PPM1E: variants seen among roughly 807,000 people sequenced by gnomAD.
PPM1E encodes protein phosphatase, Mg2+/Mn2+ dependent 1E.
PPM1E carries 20 observed loss-of-function variants against 65.9 expected under a neutral mutation model. That is an observed-to-expected ratio of 0.30 (90% CI 0.21 to 0.44). PPM1E has a LOEUF of 0.44. Among genes scored for constraint, PPM1E ranks in the 20% least tolerant of loss-of-function variants. The pLI, the probability that PPM1E is intolerant of heterozygous loss-of-function variation, is 1.00. For missense variants in PPM1E, 713 were observed against 953.1 expected (o/e 0.75, Z 3.32); for synonymous variants, 352 against 374.9 (o/e 0.94, Z 0.70).
At chr17:58,864,337 T>TTC (rs2050975338) in intron 1 of PPM1E, among the ~76,000 whole-genome samples, 1 of 152,168 alleles carries the variant, frequency 6.6e-6, no homozygotes, top group African/African-American at 2.4e-5. Flanking sequence ...GTTTCCTCAG[T>TTC]TAAGATACTG....
At chr17:58,872,032 T>C (rs1441429497) in intron 1 of PPM1E, among the ~76,000 whole-genome samples, 1 of 152,148 alleles carries the variant, frequency 6.6e-6, no homozygotes, top group African/African-American at 2.4e-5. Flanking sequence ...GCGTGGTGGC[T>C]CACGCCTGTA....
intron 1 of PPM1E, among the ~76,000 whole-genome samples, chr17:58,825,001 A>G (rs186897043): frequency 3.9e-5 from 6 of 152,104 alleles, no homozygotes; most frequent in East Asian, 1.9e-4. Context: ...GAAGGACACA[A>G]TGGACTTTGG....
intron 1 of PPM1E, among the ~76,000 whole-genome samples, chr17:58,766,898 A>G (rs2049885535): frequency 6.6e-6 from 1 of 152,176 alleles, no homozygotes; most frequent in Admixed American, 6.6e-5. Context: ...ATTATTCACA[A>G]TATACTTATA....
intron 4 of PPM1E, 44 bp from the exon 5 acceptor site, chr17:58,972,088 C>G: frequency 1.3e-6 from 2 of 1,571,332 alleles, no homozygotes; most frequent in African/African-American, 1.4e-5. Context: ...AATGTAGTAT[C>G]TATTTCTTTT....
chr17:58,811,922 G>T (rs532432127), intron 1 of PPM1E, among the ~76,000 whole-genome samples: 12 of 152,002 alleles, frequency 7.9e-5, no homozygotes, highest in Non-Finnish European at 1.8e-4. Flanking sequence ...ATCCACCTTG[G>T]CCTCCCAAAG....
At chr17:58,855,430 C>G (rs2050871788) in intron 1 of PPM1E, among the ~76,000 whole-genome samples, 2 of 152,266 alleles carry the variant, frequency 1.3e-5, no homozygotes, top group South Asian at 4.1e-4. Flanking sequence ...GAAACCTAAT[C>G]ATAGGACTGT....
intron 1 of PPM1E, among the ~76,000 whole-genome samples, chr17:58,909,353 C>T (rs964350371): frequency 6.6e-6 from 1 of 152,048 alleles, no homozygotes; most frequent in South Asian, 2.1e-4. Flanking sequence ...AACTCCTGGG[C>T]TCAAGCAATC....
chr17:58,931,474 G>T (rs968494899), intron 1 of PPM1E, among the ~76,000 whole-genome samples: 2 of 152,028 alleles, frequency 1.3e-5, no homozygotes, highest in Non-Finnish European at 2.9e-5. Flanking sequence ...AAGGAAGTCA[G>T]GTAGACTTGA....
intron 1 of PPM1E, among the ~76,000 whole-genome samples, chr17:58,855,772 G>A (rs2050876242): frequency 6.6e-6 from 1 of 152,178 alleles, no homozygotes; most frequent in Non-Finnish European, 1.5e-5. Flanking sequence ...TTCTCAGCTT[G>A]TGAAGCAAAT....
chr17:58,840,519 C>T (rs1215082358), intron 1 of PPM1E, among the ~76,000 whole-genome samples: 1 of 152,118 alleles, frequency 6.6e-6, no homozygotes. Context: ...TAATATTATT[C>T]TTCAGTAAGA....
Position 58,980,246 on chromosome 17 carries a change from G to C in PPM1E, c.1483G>C (p.Val495Leu), listed in dbSNP as rs191241565. 1.1e-5 allele frequency: 17 copies of C among 1,614,204 alleles called. No individual in the cohort carries two copies. The African/African-American group carries it at 1.2e-4, about 11-fold the overall frequency. ...ATTCCTGAGGGACATGAACAAAGCTGTAAATGTTAGTGAGGAATCAGATTG... is the reference window on the plus strand; with the variant it reads ...ATTCCTGAGGGACATGAACAAAGCTCTAAATGTTAGTGAGGAATCAGATTG... The part of the protein sequence containing the change: ...VVFLRDMNKA[V>L]NVSEESDWTE... The change falls in exon 7 of 7, where the codon GTA becomes CTA. Residue 495 changes from valine (V) to leucine (L), a missense_variant. Around this residue, in one of 6 missense-constraint regions of PPM1E, gnomAD observed 286 missense variants for 313.8 expected, o/e 0.91. Transcript: ENST00000308249. The surrounding 1 kb of genome is among the most constrained non-coding windows in gnomAD (Gnocchi z 4.7).
At chr17:58,937,896 G>GAAAA (rs2052007163) in intron 1 of PPM1E, among the ~76,000 whole-genome samples, 2 of 78,380 alleles carry the variant, frequency 2.6e-5, no homozygotes, top group South Asian at 4.1e-4. Context: ...AAAAAAAAAA[G>GAAAA]AAAGAAAGAA....
chr17:58,764,593 G>T (rs1361541767), intron 1 of PPM1E, among the ~76,000 whole-genome samples: 1 of 152,024 alleles, frequency 6.6e-6, no homozygotes, highest in East Asian at 1.9e-4. Context: ...GTGCCGTCAT[G>T]CCTGGCTAGT....
chr17:58,881,111 A>C (rs1175166807), intron 1 of PPM1E, among the ~76,000 whole-genome samples: 2 of 152,196 alleles, frequency 1.3e-5, no homozygotes. Flanking sequence ...CTTCCCATCC[A>C]GAGAGTATAC....
intron 1 of PPM1E, among the ~76,000 whole-genome samples, chr17:58,953,176 T>C (rs1274429682): frequency 6.6e-6 from 1 of 152,246 alleles, no homozygotes; most frequent in Non-Finnish European, 1.5e-5. Flanking sequence ...CAATTCTCTT[T>C]TTATGTTTTC....
intron 1 of PPM1E, among the ~76,000 whole-genome samples, chr17:58,858,045 A>G (rs2050901309): frequency 6.6e-6 from 1 of 152,158 alleles, no homozygotes; most frequent in Non-Finnish European, 1.5e-5. Flanking sequence ...CTTCCATAAA[A>G]AACGTCATTG....
chr17:58,813,477 G>A (rs2050389288), intron 1 of PPM1E, among the ~76,000 whole-genome samples: 1 of 152,132 alleles, frequency 6.6e-6, no homozygotes, highest in South Asian at 2.1e-4. Context: ...TTATCCCAAT[G>A]AAAACAGATA....
intron 1 of PPM1E, among the ~76,000 whole-genome samples, chr17:58,835,076 C>T (rs993736636): frequency 6.6e-6 from 1 of 152,192 alleles, no homozygotes; most frequent in African/African-American, 2.4e-5. Flanking sequence ...TGCAGTGACT[C>T]ATGCCTATAA....
chr17:58,807,799 C>A (rs571900414), intron 1 of PPM1E, among the ~76,000 whole-genome samples: 1 of 152,124 alleles, frequency 6.6e-6, no homozygotes, highest in Non-Finnish European at 1.5e-5. Context: ...AGGTACTTAA[C>A]CTCATTTGAG....
Sources: gnomAD v4.1 joint callset for allele counts (sites outside exome capture counted in the v4.1 genomes callset) on GRCh38, gnomAD v4.1.1 for gene constraint, gnomAD v4.1.1 regional missense constraint, Gnocchi (gnomAD v3.1) non-coding constraint, MANE v1.5 for transcripts, NCBI Gene and HGNC (gene_info 2026-07-23, HGNC 2026-07-21) for gene names.